ASTN2: variants seen among roughly 807,000 people sequenced by gnomAD.
ASTN2 encodes astrotactin 2.
ASTN2 carries 54 observed loss-of-function variants against 139.8 expected under a neutral mutation model. The ratio of observed to expected loss-of-function variants is 0.39; its 90% CI spans 0.31 to 0.48. The LOEUF (loss-of-function observed/expected upper bound fraction) is 0.48, where lower values mean the gene tolerates loss of function less well. ASTN2 is among the 20% of genes least tolerant of loss of function. ASTN2 has a pLI of 0.95. For missense variants in ASTN2, 1,565 were observed against 1,725.1 expected (o/e 0.91, Z 1.64); for synonymous variants, 756 against 719.5 (o/e 1.05, Z -0.81).
intron 3 of ASTN2, among the ~76,000 whole-genome samples, chr9:117,157,439 C>T (rs1220571276): frequency 6.6e-6 from 1 of 151,976 alleles, no homozygotes; most frequent in African/African-American, 2.4e-5. Flanking sequence ...TAAAGCTGGA[C>T]TGAGTTGGGC....
chr9:116,519,766 A>G (rs1224604053), intron 19 of ASTN2, among the ~76,000 whole-genome samples: 1 of 152,154 alleles, frequency 6.6e-6, no homozygotes, highest in Non-Finnish European at 1.5e-5. Context: ...TAGTGAGATT[A>G]ACCAAGAAAA....
In ASTN2 at chr9:116,698,870, T is replaced by A; in HGVS notation, c.2806+26901A>T. The A allele has an allele frequency of 6.2e-7, 1 of 1,614,208 alleles. No individual in the cohort carries two copies. Among genetic ancestry groups the A allele is most frequent in the African/African-American group, 1.3e-5 (1 of 75,068 alleles). ...CAGGAATGTTCAATCTTCCAGTCAG[T>A]CTCTACGTGACCAGTCAAGGTGAAG... On this transcript the variant is annotated intron_variant, in intron 16 of 22. Coordinates refer to ENST00000313400, the MANE Select transcript of ASTN2 (RefSeq NM_001365068.1). The surrounding 1 kb of genome is among the most constrained non-coding windows in gnomAD (Gnocchi z 4.4).
chr9:116,516,955 T>A (rs2119214760), intron 19 of ASTN2, among the ~76,000 whole-genome samples: 1 of 152,308 alleles, frequency 6.6e-6, no homozygotes, highest in Non-Finnish European at 1.5e-5. Context: ...CCACAGCAGC[T>A]ACAGCAAGCC....
chr9:117,165,708 C>T (rs1378972162), intron 3 of ASTN2, among the ~76,000 whole-genome samples: 2 of 152,094 alleles, frequency 1.3e-5, no homozygotes, highest in Non-Finnish European at 2.9e-5. Flanking sequence ...GGCAAAATGT[C>T]ATCCTCTTTC....
At chr9:116,543,351 C>G (rs1239113016) in intron 19 of ASTN2, among the ~76,000 whole-genome samples, 1 of 151,158 alleles carries the variant, frequency 6.6e-6, no homozygotes, top group African/African-American at 2.4e-5. Flanking sequence ...GTGGGAGGAT[C>G]ACCCAAGCCT....
At chr9:116,740,480 T>C (rs1829069383) in intron 13 of ASTN2, among the ~76,000 whole-genome samples, 1 of 152,138 alleles carries the variant, frequency 6.6e-6, no homozygotes, top group African/African-American at 2.4e-5. Context: ...CTTCAATGCG[T>C]GAAGAGGAGG....
intron 11 of ASTN2, among the ~76,000 whole-genome samples, chr9:116,842,136 GC>G (rs1832280975): frequency 6.6e-6 from 1 of 152,172 alleles, no homozygotes; most frequent in South Asian, 2.1e-4. Context: ...TGTGGGAAGG[GC>G]CCTGTAATGA....
At chr9:117,333,127 T>C (rs929301632) in intron 1 of ASTN2, among the ~76,000 whole-genome samples, 3 of 152,176 alleles carry the variant, frequency 2.0e-5, no homozygotes, top group Admixed American at 6.5e-5. Flanking sequence ...GCAGATTATA[T>C]TGTATGTGAA....
chr9:117,121,531 C>T (rs549718537), intron 4 of ASTN2, among the ~76,000 whole-genome samples: 1 of 152,284 alleles, frequency 6.6e-6, no homozygotes, highest in Non-Finnish European at 1.5e-5. Context: ...GACCCATTTT[C>T]CAAGTAGCAT....
At chr9:116,498,199 C>T (rs1281367199) in intron 19 of ASTN2, among the ~76,000 whole-genome samples, 1 of 152,150 alleles carries the variant, frequency 6.6e-6, no homozygotes, top group East Asian at 1.9e-4. Context: ...CCAGGTTGAT[C>T]CAATTCCAAA....
intron 1 of ASTN2, among the ~76,000 whole-genome samples, chr9:117,402,176 C>T (rs1346028705): frequency 6.6e-6 from 1 of 152,200 alleles, no homozygotes; most frequent in Non-Finnish European, 1.5e-5. Context: ...AAGAGATTCT[C>T]CTGCCCCGGC....
At chr9:117,171,074 C>T (rs987991661) in intron 3 of ASTN2, among the ~76,000 whole-genome samples, 3 of 152,128 alleles carry the variant, frequency 2.0e-5, no homozygotes, top group Non-Finnish European at 2.9e-5. Context: ...CTCTCAGCGA[C>T]ATCCCATAGA....
intron 10 of ASTN2, among the ~76,000 whole-genome samples, chr9:116,879,516 T>G (rs746773625): frequency 2.6e-5 from 4 of 152,158 alleles, no homozygotes; most frequent in Non-Finnish European, 5.9e-5. Flanking sequence ...TGAGTCTCAG[T>G]TTCCTCATAC....
intron 1 of ASTN2, among the ~76,000 whole-genome samples, chr9:117,303,380 G>A (rs145823569): frequency 5.3e-5 from 8 of 152,208 alleles, no homozygotes; most frequent in East Asian, 1.9e-4. Context: ...AAGGGGACTC[G>A]GAGAGATTAA....
At chr9:117,384,462 G>A (rs989137854) in intron 1 of ASTN2, among the ~76,000 whole-genome samples, 2 of 152,296 alleles carry the variant, frequency 1.3e-5, no homozygotes, top group South Asian at 4.1e-4. Context: ...GACTAGAGAT[G>A]TGATACGAGT....
chr9:116,660,553 T>C (rs894672838), intron 16 of ASTN2, among the ~76,000 whole-genome samples: 1 of 152,172 alleles, frequency 6.6e-6, no homozygotes, highest in Non-Finnish European at 1.5e-5. Context: ...AAATATCCAA[T>C]GCTAGCGTGT....
At position 116,983,885 on chromosome 9, in the gene ASTN2, C is replaced by G. The variant is rs367802808; in HGVS notation, c.1592-7100G>C. Among the ~76,000 whole-genome samples, 6 of 152,134 alleles carry G rather than the reference C, an allele frequency of 3.9e-5. 1 individual carries two copies. The highest frequency in any genetic ancestry group is 7.4e-5 in the Non-Finnish European group (5 of 68,026). On this transcript the variant is annotated intron_variant, in intron 7 of 22. Coordinates refer to ENST00000313400, the MANE Select transcript of ASTN2 (RefSeq NM_001365068.1). ...TCTGGATTCATCCTCAGCTTAGAGC[C>G]AAGGGCAGCTGAGTCCTGGCTAGAT...
chr9:116,929,124 G>C (rs1834833620), intron 10 of ASTN2, among the ~76,000 whole-genome samples: 1 of 152,206 alleles, frequency 6.6e-6, no homozygotes, highest in Non-Finnish European at 1.5e-5. Flanking sequence ...TTGGGAACTA[G>C]AATGCTTGTT....
chr9:116,511,572 G>A (rs1850382532), intron 19 of ASTN2, among the ~76,000 whole-genome samples: 1 of 152,198 alleles, frequency 6.6e-6, no homozygotes, highest in African/African-American at 2.4e-5. Context: ...AGTTTCAGAA[G>A]GAATGGTACG....
Sources: allele counts gnomAD v4.1 joint callset (sites outside exome capture counted in the v4.1 genomes callset), GRCh38; gene constraint gnomAD v4.1.1; non-coding constraint Gnocchi (gnomAD v3.1); transcripts MANE v1.5; gene names NCBI Gene and HGNC (gene_info 2026-07-23, HGNC 2026-07-21).